Variants in DLGAP2 observed in about 807,000 individuals in gnomAD.
DLGAP2 encodes the protein DLG associated protein 2, also known as disks large-associated protein 2.
DLGAP2 carries 26 observed loss-of-function variants against 100.3 expected under a neutral mutation model. That is an observed-to-expected ratio of 0.26 (90% confidence interval 0.19 to 0.36). DLGAP2 has a LOEUF of 0.36. DLGAP2 is among the 10% of genes least tolerant of loss of function. DLGAP2 has a pLI of 1.00. For synonymous variants in DLGAP2, 886 were observed against 630.1 expected, an observed-to-expected ratio of 1.41 and a Z score of -6.08; for missense variants, 1,858 against 1,453.2, an observed-to-expected ratio of 1.28 and a Z score of -4.53.
At chr8:1,288,051 TA>T (rs2116964189) in intron 3 of DLGAP2, among the ~76,000 whole-genome samples, 1 of 88,190 alleles carries the variant, frequency 1.1e-5, no homozygotes, top group African/African-American at 5.0e-5. Flanking sequence ...TGTGTGTGTG[TA>T]TGGTTCTGTT....
intron 2 of DLGAP2, among the ~76,000 whole-genome samples, chr8:948,864 G>C (rs1563109451): frequency 6.6e-6 from 1 of 151,706 alleles, no homozygotes; most frequent in African/African-American, 2.4e-5. Context: ...GAAGCCACTC[G>C]GGAGCCAGGG....
chr8:1,458,592 G>A lies in DLGAP2; in HGVS notation c.107-42774G>A, dbSNP rs147727504. Among the ~76,000 whole-genome samples the A allele has an allele frequency of 4.1e-3, 618 of 152,330 alleles. 4 individuals are homozygous for A. The highest frequency in any genetic ancestry group is 0.014 in the African/African-American group (576 of 41,570). ...CCTACAAATTTCTGCAAAGTGGTGT[G>A]TAAATGTGTCTATGGTTTTTTATCA... is the stretch of plus-strand genomic sequence containing the variant. On this transcript the variant is annotated intron_variant, in intron 3 of 14. Coordinates refer to ENST00000637795, the MANE Select transcript of DLGAP2 (RefSeq NM_001346810.2).
intron 3 of DLGAP2, among the ~76,000 whole-genome samples, chr8:1,302,850 C>T (rs775836819): frequency 6.6e-6 from 1 of 152,206 alleles, no homozygotes; most frequent in East Asian, 1.9e-4. Flanking sequence ...GGAGTCGATT[C>T]TTTCCTGCTG....
chr8:1,275,729 A>G (rs867137254), intron 3 of DLGAP2, among the ~76,000 whole-genome samples: 3 of 112,840 alleles, frequency 2.7e-5, no homozygotes. Context: ...TATATATATA[A>G]AATATATGTA....
At chr8:1,031,271 A>G (rs890662703) in intron 2 of DLGAP2, among the ~76,000 whole-genome samples, 3 of 152,178 alleles carry the variant, frequency 2.0e-5, no homozygotes, top group Non-Finnish European at 4.4e-5. Context: ...ATGGAGGAGA[A>G]AGTGTAAAAT....
chr8:1,261,209 A>G (rs1799341754), intron 3 of DLGAP2, among the ~76,000 whole-genome samples: 1 of 151,796 alleles, frequency 6.6e-6, no homozygotes, highest in Non-Finnish European at 1.5e-5. Flanking sequence ...CAGATCTTTA[A>G]AACGAGACAG....
rs1800450305 is a variant in DLGAP2 at position 985,181 on chromosome 8, T to A, written c.73+77215T>A. ...TGGTTGTGTGCAGGTTACAGCCTGA[T>A]CCAGAGGAAAGAGAAATCAGTGGAA... On this transcript the variant is annotated intron_variant, in intron 2 of 14. Coordinates refer to ENST00000637795, the MANE Select transcript of DLGAP2 (RefSeq NM_001346810.2). 2.0e-5 allele frequency among the ~76,000 whole-genome samples: 3 copies of A among 152,136 alleles called. No individual in the cohort carries two copies. The South Asian group carries it at 6.2e-4, about 32-fold the overall frequency.
rs150023761 is a variant in DLGAP2, at chr8:898,417, C to T, written c.19-9495C>T. On this transcript the variant is annotated intron_variant, in intron 1 of 14. Coordinates refer to ENST00000637795, the MANE Select transcript of DLGAP2 (RefSeq NM_001346810.2). The stretch of plus-strand genomic sequence containing the variant: ...GGAAGGCGGTCATTGGCCGGGGCAG[C>T]GATGTTTGGTGTGCGAGCTTTGCAC... Among the ~76,000 whole-genome samples, 72 of 152,294 alleles carry T rather than the reference C, an allele frequency of 4.7e-4. 1 individual carries two copies. Among genetic ancestry groups the T allele is most frequent in the African/African-American group, 1.5e-3 (63 of 41,562 alleles).
At chr8:1,360,391 C>G (rs896522616) in intron 3 of DLGAP2, among the ~76,000 whole-genome samples, 1 of 152,126 alleles carries the variant, frequency 6.6e-6, no homozygotes, top group Non-Finnish European at 1.5e-5. Flanking sequence ...CTGCGTCTGT[C>G]TGAGCCTGTG....
At position 1,159,002 on chromosome 8, in the gene DLGAP2, A is replaced by G. The variant is rs182149111; in HGVS notation, c.74-99849A>G. Among the ~76,000 whole-genome samples, 3 of 152,264 alleles carry G rather than the reference A, an allele frequency of 2.0e-5. No homozygotes were observed. In the East Asian group the frequency reaches 5.8e-4, roughly 29 times the overall value. ...TATGTTTTTCTCTTCCTTTCCCTGT[A>G]TTTCTGCAGAGATGAAAACACTTTC... On this transcript the variant is annotated intron_variant, in intron 2 of 14. Coordinates refer to ENST00000637795, the MANE Select transcript of DLGAP2 (RefSeq NM_001346810.2).
chr8:1,615,424 C>T lies in DLGAP2; in HGVS notation c.1443-11316C>T, dbSNP rs112103035. ...AGGCTGAAGTTGTAGCAACATGAAA[C>T]CCACCTGCAAGGAAAAAACTGATGT... On this transcript the variant is annotated intron_variant, in intron 6 of 14. Transcript: ENST00000637795. 7.9e-4 allele frequency among the ~76,000 whole-genome samples: 121 copies of T among 152,270 alleles called. 1 individual carries two copies. Among genetic ancestry groups the T allele is most frequent in the African/African-American group, 2.7e-3 (113 of 41,534 alleles).
intron 2 of DLGAP2, among the ~76,000 whole-genome samples, chr8:988,838 C>G (rs891367712): frequency 2.6e-5 from 4 of 152,222 alleles, no homozygotes; most frequent in Non-Finnish European, 4.4e-5. Flanking sequence ...TTTCCAAGCT[C>G]CACTGGTGGC....
intron 6 of DLGAP2, among the ~76,000 whole-genome samples, chr8:1,606,125 C>T (rs536923711): frequency 2.6e-5 from 4 of 152,272 alleles, no homozygotes; most frequent in East Asian, 1.9e-4. Context: ...AGAGAAAAGA[C>T]GAACTGAAGG....
chr8:1,464,312 G>GAAT (rs1798553764), intron 3 of DLGAP2, among the ~76,000 whole-genome samples: 1 of 114,322 alleles, frequency 8.7e-6, no homozygotes, highest in African/African-American at 3.5e-5. Context: ...CACCCTTCCA[G>GAAT]GACAACGCCC....
chr8:1,545,977 A>G (rs980463403), intron 4 of DLGAP2, among the ~76,000 whole-genome samples: 2 of 152,232 alleles, frequency 1.3e-5, no homozygotes, highest in Non-Finnish European at 2.9e-5. Context: ...AAAGCAAAAG[A>G]TAATAGGATG....
At chr8:1,047,559 A>G (rs1018989350) in intron 2 of DLGAP2, among the ~76,000 whole-genome samples, 2 of 152,194 alleles carry the variant, frequency 1.3e-5, no homozygotes, top group Non-Finnish European at 2.9e-5. Context: ...TGTCTTATAA[A>G]CAACAGTATT....
At position 1,039,546 on chromosome 8, in the gene DLGAP2, T is replaced by G. The variant is rs71516146; in HGVS notation, c.73+131580T>G. ...TTCAGCTCGGTGTGCGTGGTCAGCT[T>G]GGTGTGCGTGGTCAGCTTGGTGTGC... On this transcript the variant is annotated intron_variant, in intron 2 of 14. Coordinates refer to ENST00000637795, the MANE Select transcript of DLGAP2 (RefSeq NM_001346810.2). Among the ~76,000 whole-genome samples, 2 of 33,468 alleles carry G rather than the reference T, an allele frequency of 6.0e-5. 1 individual carries two copies. Among genetic ancestry groups the G allele is most frequent in the Non-Finnish European group, 1.1e-4 (2 of 18,240 alleles). 22.0% of individuals were successfully genotyped at this position (33,468 alleles called of 152,430 possible).
At chr8:1,262,710 C>G (rs948158028) in intron 3 of DLGAP2, 1 of 152,160 alleles carries the variant, frequency 6.6e-6, no homozygotes, top group Non-Finnish European at 1.5e-5. Flanking sequence ...AGAGGGCAGG[C>G]TGGTTTATCT....
intron 2 of DLGAP2, among the ~76,000 whole-genome samples, chr8:916,394 G>GGGTTA (rs1323712430): frequency 6.6e-6 from 1 of 152,156 alleles, no homozygotes. Flanking sequence ...GGATGAAGCT[G>GGGTTA]GAAACCATCA....
Sources: allele counts gnomAD v4.1 joint callset (sites outside exome capture counted in the v4.1 genomes callset), GRCh38; gene constraint gnomAD v4.1.1; transcripts MANE v1.5; gene names NCBI Gene and HGNC (gene_info 2026-07-23, HGNC 2026-07-21).